The following MICU2 variants were observed in gnomAD, a reference collection of about 807,000 sequenced individuals.
MICU2 encodes mitochondrial calcium uptake 2, also known as calcium uptake protein 2, mitochondrial.
Under a neutral mutation model 60.4 loss-of-function variants are expected in MICU2, and 64 were observed. That is an observed-to-expected ratio of 1.06 (90% CI 0.87 to 1.31). The LOEUF (loss-of-function observed/expected upper bound fraction) is 1.31. Ranked by LOEUF, MICU2 falls within the 50% of genes most tolerant of loss-of-function variation. MICU2 has a pLI of 0.00. For missense variants in MICU2, 569 were observed against 531.0 expected, an observed-to-expected ratio of 1.07 and a Z score of -0.70; for synonymous variants, 201 against 175.0, an observed-to-expected ratio of 1.15 and a Z score of -1.17.
In MICU2 at chr13:21,588,418, G is replaced by A. The variant is rs573332208; in HGVS notation, c.210+15521C>T. The stretch of plus-strand genomic sequence containing the variant: ...CTTTTCCAGGACCCTACAGCCTCAA[G>A]TAATAAGTCATCCCAAGCTCTCTCT... On this transcript the variant is annotated intron_variant, in intron 1 of 11. Coordinates refer to ENST00000382374, the MANE Select transcript of MICU2 (RefSeq NM_152726.3). Among the ~76,000 whole-genome samples the A allele has an allele frequency of 2.6e-5, 4 of 152,306 alleles. No individual in the cohort carries two copies. In the East Asian group the frequency reaches 7.7e-4, roughly 29 times the overall value.
At chr13:21,571,480 G>A (rs1483096343) in intron 1 of MICU2, among the ~76,000 whole-genome samples, 2 of 152,150 alleles carry the variant, frequency 1.3e-5, no homozygotes, top group Non-Finnish European at 2.9e-5. Flanking sequence ...GGTGGATCAC[G>A]AGGTCAGGAG....
At chr13:21,573,411 T>TA (rs1888157656) in intron 1 of MICU2, among the ~76,000 whole-genome samples, 1 of 152,164 alleles carries the variant, frequency 6.6e-6, no homozygotes, top group Admixed American at 6.5e-5. Flanking sequence ...TAGCTGGGAC[T>TA]ACAGGCGCCC....
intron 1 of MICU2, among the ~76,000 whole-genome samples, chr13:21,595,253 A>G (rs1311856482): frequency 6.6e-6 from 1 of 152,202 alleles, no homozygotes; most frequent in Non-Finnish European, 1.5e-5. Flanking sequence ...TGGACTCTGT[A>G]AACTCTTCTC....
rs183183167 is a variant in MICU2 at position 21,515,923 on chromosome 13, T to C, written c.598-1505A>G. Among the ~76,000 whole-genome samples the C allele has an allele frequency of 1.7e-3, 256 of 152,326 alleles. 3 individuals carry two copies. Among genetic ancestry groups the C allele is most frequent in the African/African-American group, 6.0e-3 (248 of 41,570 alleles). ...AAATGATATAATGCCAAGTTCAATA[T>C]CCAAACATTTCTCCCTGTGCTTATT... On this transcript the variant is annotated intron_variant, in intron 6 of 11. Coordinates refer to ENST00000382374, the MANE Select transcript of MICU2 (RefSeq NM_152726.3).
At chr13:21,508,688 C>G (rs752301137) in intron 8 of MICU2, among the ~76,000 whole-genome samples, 1 of 152,166 alleles carries the variant, frequency 6.6e-6, no homozygotes, top group Non-Finnish European at 1.5e-5. Flanking sequence ...CTTCTAATTC[C>G]CTTTACAAAC....
At chr13:21,532,981 A>G (rs1221231926) in intron 4 of MICU2, among the ~76,000 whole-genome samples, 1 of 152,194 alleles carries the variant, frequency 6.6e-6, no homozygotes, top group Non-Finnish European at 1.5e-5. Flanking sequence ...GTGATGGGGT[A>G]AAATAGGGAA....
At chr13:21,565,890 C>T (rs542971353) in intron 2 of MICU2, among the ~76,000 whole-genome samples, 4 of 152,206 alleles carry the variant, frequency 2.6e-5, no homozygotes, top group Non-Finnish European at 5.9e-5. Context: ...TGCTCACAAA[C>T]CTTCAATGCC....
intron 1 of MICU2, among the ~76,000 whole-genome samples, chr13:21,578,184 A>C (rs1016572738): frequency 1.3e-5 from 2 of 152,204 alleles, no homozygotes; most frequent in African/African-American, 4.8e-5. Flanking sequence ...AAGAATAGAA[A>C]GTATCTTTTT....
At chr13:21,525,668 G>T (rs1263349341) in intron 4 of MICU2, among the ~76,000 whole-genome samples, 2 of 151,596 alleles carry the variant, frequency 1.3e-5, no homozygotes, top group Non-Finnish European at 2.9e-5. Flanking sequence ...TTTCCCTGAT[G>T]ATTAGTGACG....
chr13:21,598,057 A>G (rs1024474595), intron 1 of MICU2, among the ~76,000 whole-genome samples: 2 of 152,116 alleles, frequency 1.3e-5, no homozygotes, highest in Non-Finnish European at 2.9e-5. Context: ...ATCAAAGAAA[A>G]TATCAATGAA....
At chr13:21,526,306 T>C (rs1886855415) in intron 4 of MICU2, among the ~76,000 whole-genome samples, 1 of 151,968 alleles carries the variant, frequency 6.6e-6, no homozygotes, top group Admixed American at 6.6e-5. Flanking sequence ...TTGTCTTTTT[T>C]GCCCCTACCT....
chr13:21,575,421 TA>T lies in MICU2; in HGVS notation c.211-8478del, dbSNP rs11369175. 1.7e-3 allele frequency among the ~76,000 whole-genome samples: 242 copies of T among 140,828 alleles called. 2 individuals carry two copies. Among genetic ancestry groups the T allele is most frequent in the East Asian group, 5.7e-3 (28 of 4,870 alleles). 92.4% of individuals were successfully genotyped at this position (140,828 alleles called of 152,430 possible). ...AAGTTTAAACTAGGTTTCGAATGATTAAAAAAAAAAAAAAGACTAGGCCGAG... is the reference window on the plus strand; with the variant it reads ...AAGTTTAAACTAGGTTTCGAATGATTAAAAAAAAAAAAAGACTAGGCCGAG... On this transcript the variant is annotated intron_variant, in intron 1 of 11. Coordinates refer to ENST00000382374, the MANE Select transcript of MICU2 (RefSeq NM_152726.3).
At chr13:21,518,224 C>T (rs1410231544) in intron 6 of MICU2, among the ~76,000 whole-genome samples, 1 of 152,138 alleles carries the variant, frequency 6.6e-6, no homozygotes. Context: ...GTATGCATAA[C>T]AAATTCAGGA....
chr13:21,510,990 A>T (rs1886415347), intron 7 of MICU2, among the ~76,000 whole-genome samples: 1 of 152,168 alleles, frequency 6.6e-6, no homozygotes, highest in Non-Finnish European at 1.5e-5. Flanking sequence ...GAGCACAGTG[A>T]AGAAGGGCTT....
chr13:21,530,979 G>A, intron 4 of MICU2: 1 of 784,508 alleles, frequency 1.3e-6, no homozygotes. Flanking sequence ...ATACACTCTG[G>A]AAATGATTAA....
chr13:21,556,653 C>A (rs1446931658), intron 2 of MICU2, among the ~76,000 whole-genome samples: 4 of 152,076 alleles, frequency 2.6e-5, no homozygotes, highest in African/African-American at 7.2e-5. Context: ...AGGGCAAGAG[C>A]ACTACTTCCA....
At chr13:21,496,463 C>A in intron 9 of MICU2, 1 of 299,460 alleles carries the variant, frequency 3.3e-6, no homozygotes, top group Non-Finnish European at 6.3e-6. Flanking sequence ...TTAAGCTGCC[C>A]AGCCTGTGGT....
intron 1 of MICU2, among the ~76,000 whole-genome samples, chr13:21,567,832 G>A (rs956094495): frequency 6.6e-6 from 1 of 152,068 alleles, no homozygotes; most frequent in African/African-American, 2.4e-5. Flanking sequence ...AAAAGTAAAC[G>A]GCAGAGGCAG....
Position 21,601,123 on chromosome 13 carries a change from G to T in MICU2, c.210+2816C>A, listed in dbSNP as rs544304149. Among the ~76,000 whole-genome samples, 27 of 152,204 alleles carry T rather than the reference G, an allele frequency of 1.8e-4. No homozygotes were observed. In the East Asian group the frequency reaches 5.0e-3, roughly 28 times the overall value. On this transcript the variant is annotated intron_variant, in intron 1 of 11. Transcript: ENST00000382374. ...ACATATTCACTATTATTATAGGGCC[G>T]CGTCAGGAAGAGTTTACCAACTTGG...
Sources: gnomAD v4.1 joint callset for allele counts (sites outside exome capture counted in the v4.1 genomes callset) on GRCh38, gnomAD v4.1.1 for gene constraint, MANE v1.5 for transcripts, NCBI Gene and HGNC (gene_info 2026-07-23, HGNC 2026-07-21) for gene names.